The following GALNTL6 variants were observed in gnomAD, a reference collection of about 807,000 sequenced individuals.
The protein encoded by GALNTL6 is polypeptide N-acetylgalactosaminyltransferase-like 6.
A neutral mutation model predicts 73.7 loss-of-function variants in GALNTL6; 46 were observed. The ratio of observed to expected loss-of-function variants is 0.62; its 90% CI spans 0.49 to 0.80. GALNTL6 has a LOEUF of 0.80. Among genes scored for constraint, GALNTL6 ranks in the 30% least tolerant of loss-of-function variants. GALNTL6 has a pLI of 0.00. For synonymous variants in GALNTL6, 259 were observed against 263.7 expected, an observed-to-expected ratio of 0.98 and a Z score of 0.17; for missense variants, 604 against 755.0, an observed-to-expected ratio of 0.80 and a Z score of 2.34.
chr4:171,946,916 G>T (rs1033569349), intron 2 of GALNTL6, among the ~76,000 whole-genome samples: 1 of 151,912 alleles, frequency 6.6e-6, no homozygotes, highest in South Asian at 2.1e-4. Flanking sequence ...CTAAGTTCCG[G>T]GGGGTACAAA....
chr4:172,831,113 G>A (rs188349141), intron 7 of GALNTL6, among the ~76,000 whole-genome samples: 2 of 134,834 alleles, frequency 1.5e-5, no homozygotes, highest in African/African-American at 3.0e-5. Flanking sequence ...AGCGGAGATC[G>A]CACCACTGCA....
At chr4:172,246,177 T>A (rs1293348605) in intron 3 of GALNTL6, among the ~76,000 whole-genome samples, 1 of 152,142 alleles carries the variant, frequency 6.6e-6, no homozygotes, top group East Asian at 1.9e-4. Flanking sequence ...GAGAGCACAA[T>A]AGAATTAGCG....
intron 5 of GALNTL6, among the ~76,000 whole-genome samples, chr4:172,784,051 G>C (rs1284672031): frequency 6.6e-6 from 1 of 151,922 alleles, no homozygotes; most frequent in African/African-American, 2.4e-5. Context: ...TAATATTTTA[G>C]TATTTTCTTT....
At chr4:172,826,806 A>T (rs1167515386) in intron 7 of GALNTL6, among the ~76,000 whole-genome samples, 1 of 152,214 alleles carries the variant, frequency 6.6e-6, no homozygotes. Context: ...TCTGATCCAG[A>T]ACTTGGTCTC....
At chr4:172,827,908 A>G (rs1194247505) in intron 7 of GALNTL6, among the ~76,000 whole-genome samples, 1 of 152,142 alleles carries the variant, frequency 6.6e-6, no homozygotes, top group Non-Finnish European at 1.5e-5. Flanking sequence ...GCAAGGAATA[A>G]AAAATAAGCA....
At chr4:172,039,879 T>C (rs962750490) in intron 2 of GALNTL6, among the ~76,000 whole-genome samples, 6 of 152,098 alleles carry the variant, frequency 3.9e-5, no homozygotes, top group African/African-American at 1.4e-4. Context: ...GTAATTTCAT[T>C]AAGATGAAGT....
At chr4:172,806,068 C>T (rs1206071695) in intron 5 of GALNTL6, among the ~76,000 whole-genome samples, 1 of 152,258 alleles carries the variant, frequency 6.6e-6, no homozygotes, top group East Asian at 1.9e-4. Context: ...TTTCTACCAT[C>T]TTCAGTAAAT....
At chr4:173,021,108 T>C (rs991856473) in intron 11 of GALNTL6, among the ~76,000 whole-genome samples, 59 of 152,010 alleles carry the variant, frequency 3.9e-4, no homozygotes, top group African/African-American at 1.3e-3. Flanking sequence ...TATTTCTCTC[T>C]CTGACCCTCA....
At chr4:172,044,836 A>G (rs1386604149) in intron 2 of GALNTL6, among the ~76,000 whole-genome samples, 4 of 152,048 alleles carry the variant, frequency 2.6e-5, no homozygotes, top group African/African-American at 7.2e-5. Flanking sequence ...TAAAATATCT[A>G]TTTGAGCTAC....
At chr4:172,379,836 C>G (rs1743211529) in intron 5 of GALNTL6, among the ~76,000 whole-genome samples, 1 of 152,138 alleles carries the variant, frequency 6.6e-6, no homozygotes, top group South Asian at 2.1e-4. Context: ...CTTCTAGCCT[C>G]TGCTCATACT....
chr4:172,016,212 T>G (rs1274062913), intron 2 of GALNTL6, among the ~76,000 whole-genome samples: 2 of 152,008 alleles, frequency 1.3e-5, no homozygotes, highest in Non-Finnish European at 1.5e-5. Context: ...TTCTTAGGTT[T>G]GGCCACTTAA....
chr4:172,869,302 A>G (rs2111159007), intron 7 of GALNTL6, among the ~76,000 whole-genome samples: 1 of 152,356 alleles, frequency 6.6e-6, no homozygotes, highest in South Asian at 2.1e-4. Context: ...AAAATAAACA[A>G]TAAACAGTAA....
At chr4:172,750,180 G>C (rs935826586) in intron 5 of GALNTL6, among the ~76,000 whole-genome samples, 1 of 152,108 alleles carries the variant, frequency 6.6e-6, no homozygotes, top group Non-Finnish European at 1.5e-5. Flanking sequence ...TCCAGTTCAG[G>C]GTTGCGGGTG....
intron 2 of GALNTL6, among the ~76,000 whole-genome samples, chr4:172,043,745 G>A (rs938147353): frequency 6.6e-6 from 1 of 151,950 alleles, no homozygotes; most frequent in Non-Finnish European, 1.5e-5. Flanking sequence ...ACTCTTTGTT[G>A]AAGATTTTCA....
chr4:172,524,916 A>G (rs1579153586), intron 5 of GALNTL6, among the ~76,000 whole-genome samples: 1 of 152,156 alleles, frequency 6.6e-6, no homozygotes, highest in South Asian at 2.1e-4. Flanking sequence ...TTCTGGTTTT[A>G]CCTTACATAT....
intron 5 of GALNTL6, among the ~76,000 whole-genome samples, chr4:172,531,783 A>G (rs1735178177): frequency 6.6e-6 from 1 of 152,190 alleles, no homozygotes; most frequent in Non-Finnish European, 1.5e-5. Context: ...TAGGCTCAGC[A>G]GTAGTTGCTG....
At chr4:172,546,664 C>T (rs1037055109) in intron 5 of GALNTL6, among the ~76,000 whole-genome samples, 2 of 150,660 alleles carry the variant, frequency 1.3e-5, no homozygotes, top group Non-Finnish European at 3.0e-5. Context: ...ACACATGCCA[C>T]TTCTTTGCTA....
In GALNTL6 at chr4:172,332,804, G is replaced by A. The variant is rs1326820243; in HGVS notation, c.387-15719G>A. On this transcript the variant is annotated intron_variant, in intron 4 of 12. Transcript: ENST00000506823. ...TTTTTCATATGTTGATTTCTTTTCC[G>A]TTGGGAAGATACCCAGTTGTGGTAT... 7.9e-5 allele frequency among the ~76,000 whole-genome samples: 12 copies of A among 151,902 alleles called. No individual in the cohort carries two copies. The East Asian group carries it at 9.6e-4, about 12-fold the overall frequency.
chr4:172,945,808 A>C (rs947486325), intron 9 of GALNTL6, among the ~76,000 whole-genome samples: 1 of 152,208 alleles, frequency 6.6e-6, no homozygotes, highest in Non-Finnish European at 1.5e-5. Flanking sequence ...AGAAGTGCTC[A>C]GATCAGAGAA....
Sources: gnomAD v4.1 joint callset for allele counts (sites outside exome capture counted in the v4.1 genomes callset) on GRCh38, gnomAD v4.1.1 for gene constraint, MANE v1.5 for transcripts, NCBI Gene and HGNC (gene_info 2026-07-23, HGNC 2026-07-21) for gene names.